The following ZNF330 variants were observed in gnomAD, a reference collection of about 807,000 sequenced individuals.
ZNF330 encodes zinc finger protein 330.
ZNF330 carries 31 observed loss-of-function variants against 45.5 expected under a neutral mutation model. The observed-to-expected ratio is 0.68, with a 90% confidence interval of 0.51 to 0.92. The LOEUF (loss-of-function observed/expected upper bound fraction) is 0.92. Ranked by LOEUF, ZNF330 falls within the 40% of genes least tolerant of loss-of-function variation. The probability of loss-of-function intolerance (pLI) is 0.00; values close to 1 mark genes in which losing one functional copy is unlikely to be tolerated. For synonymous variants in ZNF330, 138 were observed against 123.2 expected, an observed-to-expected ratio of 1.12 and a Z score of -0.79; for missense variants, 356 against 387.4, an observed-to-expected ratio of 0.92 and a Z score of 0.68.
At chr4:141,233,415 TGTGA>T (rs1409779214) in intron 9 of ZNF330, among the ~76,000 whole-genome samples, 1 of 152,180 alleles carries the variant, frequency 6.6e-6, no homozygotes, top group African/African-American at 2.4e-5. Context: ...CTGTGATTTA[TGTGA>T]TTTGAAAATA....
Position 141,229,641 on chromosome 4 carries a change from C to T in ZNF330, c.362C>T (p.Ala121Val). Reference sequence around the variant, plus strand: ...AAATGTCTCAGTACACATGCTTGTGCCTGCCCTCTTACCGATGCTGAGTGT... The same window carrying T: ...AAATGTCTCAGTACACATGCTTGTGTCTGCCCTCTTACCGATGCTGAGTGT... ...GRKCLSTHACACPLTDAECVE... is the reference protein window; with the variant it reads ...GRKCLSTHACVCPLTDAECVE... The change falls in exon 6 of 10, where the codon GCC becomes GTC. Residue 121 changes from alanine to valine, a missense_variant. Coordinates refer to ENST00000262990, the MANE Select transcript of ZNF330 (RefSeq NM_014487.6). The T allele has an allele frequency of 6.2e-7, 1 of 1,613,176 alleles. No individual in the cohort carries two copies. Among genetic ancestry groups the T allele is most frequent in the African/African-American group, 1.3e-5 (1 of 74,938 alleles).
chr4:141,232,931 T>C (rs541944089), intron 9 of ZNF330, among the ~76,000 whole-genome samples: 1 of 152,176 alleles, frequency 6.6e-6, no homozygotes, highest in Admixed American at 6.6e-5. Flanking sequence ...TTGTTGAGTC[T>C]TCCTTGTTAA....
Position 141,234,692 on chromosome 4 carries a change from C to G in ZNF330, c.*703C>G, listed in dbSNP as rs1270039509. On this transcript the variant is annotated 3_prime_UTR_variant, in exon 10 of 10. Transcript: ENST00000262990. ...CTCTTTGAATAAATCTATTATTTCA[C>G]TTAAATACTTTTGACATTATATTTA... 6.6e-6 allele frequency: 1 copy of G among 152,154 alleles called. No individual in the cohort carries two copies. The highest frequency in any genetic ancestry group is 2.4e-5 in the African/African-American group (1 of 41,436). The allele number at this position is 152,154 out of a possible 1,614,324, so 9.4% of individuals were successfully genotyped here. A position where few individuals can be genotyped will look rare whatever the true frequency, so the allele number is the denominator to read the frequency against.
At chr4:141,224,401 G>A (rs1728751813) in intron 2 of ZNF330, 86 bp from the exon 3 acceptor site, 7 of 1,311,452 alleles carry the variant, frequency 5.3e-6, no homozygotes, top group South Asian at 2.6e-5. Flanking sequence ...ATTTTAACCT[G>A]AAAAGCAGGT....
intron 7 of ZNF330, among the ~76,000 whole-genome samples, chr4:141,230,836 A>G (rs948854900): frequency 2.4e-4 from 36 of 152,144 alleles, no homozygotes; most frequent in African/African-American, 7.7e-4. Flanking sequence ...GTTGAGAGCC[A>G]GCATTGCTGA....
At chr4:141,224,403 A>G in intron 2 of ZNF330, 84 bp from the exon 3 acceptor site, 1 of 1,312,158 alleles carries the variant, frequency 7.6e-7, no homozygotes, top group Non-Finnish European at 1.1e-6. Flanking sequence ...TTTAACCTGA[A>G]AAGCAGGTTA....
intron 4 of ZNF330, among the ~76,000 whole-genome samples, chr4:141,225,603 T>C (rs1433363894): frequency 6.6e-6 from 1 of 152,098 alleles, no homozygotes; most frequent in Non-Finnish European, 1.5e-5. Context: ...TGTAATAATA[T>C]TCCAGAAAGT....
Position 141,233,843 on chromosome 4 carries a change from G to A in ZNF330, c.817G>A (p.Asp273Asn). The change falls in exon 10 of 10, where the codon GAT becomes AAT. Residue 273 changes from aspartate (D) to asparagine (N), a missense_variant. Coordinates refer to ENST00000262990, the MANE Select transcript of ZNF330 (RefSeq NM_014487.6). ...TACCAGCTACCACGATGAGGAGGAG[G>A]ATGAGTATGAAGCAGAGGATGATGA... Reference protein sequence around the residue: ...GDTSYHDEEEDEYEAEDDEEE... With the variant: ...GDTSYHDEEENEYEAEDDEEE... 2.5e-6 allele frequency: 4 copies of A among 1,613,774 alleles called. No individual in the cohort carries two copies. The highest frequency in any genetic ancestry group is 3.4e-6 in the Non-Finnish European group (4 of 1,179,792).
At chr4:141,221,710 A>C (rs979048605) in intron 1 of ZNF330, among the ~76,000 whole-genome samples, 9 of 152,204 alleles carry the variant, frequency 5.9e-5, no homozygotes, top group Admixed American at 2.0e-4. Flanking sequence ...TAAATGATGA[A>C]AATTAAACAT....
At chr4:141,225,635 C>A (rs1728785010) in intron 4 of ZNF330, among the ~76,000 whole-genome samples, 1 of 151,876 alleles carries the variant, frequency 6.6e-6, no homozygotes, top group Non-Finnish European at 1.5e-5. Flanking sequence ...AGGGCTATAT[C>A]CCTGAATATT....
At chr4:141,221,449 G>C (rs1008218722) in intron 1 of ZNF330, among the ~76,000 whole-genome samples, 1 of 152,224 alleles carries the variant, frequency 6.6e-6, no homozygotes, top group African/African-American at 2.4e-5. Flanking sequence ...GACGCAGAAA[G>C]TTAATCCGCA....
intron 4 of ZNF330, 31 bp from the exon 5 acceptor site, chr4:141,226,736 G>A (rs1456116386): frequency 6.3e-7 from 1 of 1,576,478 alleles, no homozygotes; most frequent in Admixed American, 1.7e-5. Context: ...TCCTTTGCAA[G>A]ACTAACAGTG....
intron 8 of ZNF330, 141 bp from the exon 9 acceptor site, chr4:141,232,379 AAAATG>A (rs1209760725): frequency 2.3e-6 from 1 of 438,568 alleles, no homozygotes; most frequent in East Asian, 3.6e-5. Context: ...TTCTGTTAAG[AAAATG>A]AAATGAGAAG....
At chr4:141,230,020 T>G (rs888712137) in intron 6 of ZNF330, 146 bp from the exon 7 acceptor site, 1 of 658,060 alleles carries the variant, frequency 1.5e-6, no homozygotes, top group African/African-American at 1.8e-5. Flanking sequence ...CAGTTTTCAT[T>G]TTAGCTTTTA....
chr4:141,229,548 G>A (rs1728896205), intron 5 of ZNF330, 23 bp from the exon 6 acceptor site: 3 of 1,611,974 alleles, frequency 1.9e-6, no homozygotes, highest in Non-Finnish European at 2.5e-6. Flanking sequence ...TAATGATTAT[G>A]TATTCTTGTT....
chr4:141,232,798 T>C (rs1191937024), intron 9 of ZNF330, among the ~76,000 whole-genome samples, 156 bp downstream of exon 9: 1 of 151,942 alleles, frequency 6.6e-6, no homozygotes, highest in African/African-American at 2.4e-5. Context: ...CTTAGGAAAA[T>C]ATGTGGGTAA....
chr4:141,228,122 T>G (rs562270840), intron 5 of ZNF330, among the ~76,000 whole-genome samples: 1 of 152,240 alleles, frequency 6.6e-6, no homozygotes, highest in Non-Finnish European at 1.5e-5. Flanking sequence ...TATGATATAT[T>G]TCATATGTGC....
upstream of ZNF330, chr4:141,220,780 T>G (rs1458855901): frequency 1.3e-5 from 2 of 152,318 alleles, no homozygotes; most frequent in East Asian, 3.8e-4. Context: ...CCCTTCCTTT[T>G]CTGCAGATCC....
Position 141,234,270 on chromosome 4 carries a change from A to C in ZNF330, c.*281A>C, listed in dbSNP as rs568766482. ...GATTTCAGTAAAGTATGTTTTGCCA[A>C]TTAGATACATATATACAAGATAAAG... is the stretch of plus-strand genomic sequence containing the variant. On this transcript the variant is annotated 3_prime_UTR_variant, in exon 10 of 10. Coordinates refer to ENST00000262990, the MANE Select transcript of ZNF330 (RefSeq NM_014487.6). 2.9e-5 allele frequency: 9 copies of C among 307,768 alleles called. No individual in the cohort carries two copies. The South Asian group carries it at 8.6e-4, about 29-fold the overall frequency. 19.1% of individuals were successfully genotyped at this position (307,768 alleles called of 1,614,324 possible).
Sources: gnomAD v4.1 joint callset for allele counts (sites outside exome capture counted in the v4.1 genomes callset) on GRCh38, gnomAD v4.1.1 for gene constraint, MANE v1.5 for transcripts, NCBI Gene and HGNC (gene_info 2026-07-23, HGNC 2026-07-21) for gene names.